MAST1: variants seen among roughly 807,000 people sequenced by gnomAD.
MAST1 encodes microtubule-associated serine/threonine-protein kinase 1.
In MAST1, 40 loss-of-function variants were observed where a neutral mutation model predicts 124.6. The observed-to-expected ratio is 0.32, with a 90% CI of 0.25 to 0.42. MAST1 has a LOEUF of 0.42. Ranked by LOEUF, MAST1 falls within the 10% of genes least tolerant of loss-of-function variation. MAST1 has a pLI of 1.00. For synonymous variants in MAST1, 938 were observed against 939.4 expected, an observed-to-expected ratio of 1.00 and a Z score of 0.03; for missense variants, 1,558 against 2,181.9, an observed-to-expected ratio of 0.71 and a Z score of 5.70.
rs1417836927 is a variant in MAST1, at chr19:12,866,783, G to C, written c.2139+21G>C. ...GCAAGGTGGGCCAAGTCTGGGTGTG[G>C]GACAGGGCGAGACCCCAGGAGGGAT... On this transcript the variant is annotated intron_variant, in intron 18 of 25. Coordinates refer to ENST00000251472, the MANE Select transcript of MAST1 (RefSeq NM_014975.3). The surrounding 1 kb of genome is among the most constrained non-coding windows in gnomAD (Gnocchi z 5.2). 1 of 1,594,196 alleles carries C rather than the reference G, an allele frequency of 6.3e-7. No homozygotes were observed. Among genetic ancestry groups the C allele is most frequent in the Non-Finnish European group, 8.6e-7 (1 of 1,164,996 alleles).
chr19:12,839,202 G>C (rs140628839), intron 1 of MAST1, among the ~76,000 whole-genome samples: 2 of 149,336 alleles, frequency 1.3e-5, no homozygotes, highest in Non-Finnish European at 3.0e-5. Flanking sequence ...GACACACAGC[G>C]TCACACAGGA....
At chr19:12,870,769 C>T in intron 22 of MAST1, 55 bp from the exon 23 acceptor site, 2 of 1,529,158 alleles carry the variant, frequency 1.3e-6, no homozygotes, top group Non-Finnish European at 1.8e-6. Flanking sequence ...AGTTTAGGAG[C>T]TTTCCTTGTT....
chr19:12,867,202 A>G (rs1166839322), intron 18 of MAST1, among the ~76,000 whole-genome samples: 4 of 152,178 alleles, frequency 2.6e-5, no homozygotes, highest in South Asian at 2.1e-4. Context: ...AAGGAGACAT[A>G]AATTAAGGGG....
chr19:12,872,330 G>T (rs1479744616), intron 24 of MAST1, among the ~76,000 whole-genome samples: 1 of 152,176 alleles, frequency 6.6e-6, no homozygotes, highest in African/African-American at 2.4e-5. Flanking sequence ...GGATTTGGGT[G>T]AGAGGAGCCA....
In MAST1 at chr19:12,852,352, A is replaced by T; in HGVS notation, c.1034A>T (p.Asp345Val). 6.2e-7 allele frequency: 1 copy of T among 1,614,084 alleles called. No homozygotes were observed. The highest frequency in any genetic ancestry group is 8.5e-7 in the Non-Finnish European group (1 of 1,179,988). ...GATGTGGTGCATCTGGAGGAACAGG[A>T]CAGTGGTGGTTCCAACACCCCTGAG... ...FPDVVHLEEQ[D>V]SGGSNTPEQD... Residue 345 changes from aspartate (D) to valine (V), a missense_variant, in exon 10 of 26, where the codon GAC (aspartate) becomes GTC (valine). By Grantham distance (152) the Asp-to-Val change is radical. This residue lies in a region of MAST1 where 136 missense variants were observed against 160.9 expected (regional missense o/e 0.85). Transcript: ENST00000251472.
rs1185516854 is a variant in MAST1 at position 12,841,436 on chromosome 19, G to A, written c.248+370G>A. On this transcript the variant is annotated intron_variant, in intron 3 of 25. Coordinates refer to ENST00000251472, the MANE Select transcript of MAST1 (RefSeq NM_014975.3). The surrounding 1 kb of genome is among the most constrained non-coding windows in gnomAD (Gnocchi z 4.3). ...GCGCAGATTGCGCGATGCCTATCGA[G>A]GGACTCTTGGTCCCCGAGGTGGGGG... 6.6e-6 allele frequency among the ~76,000 whole-genome samples: 1 copy of A among 152,248 alleles called. No individual in the cohort carries two copies. Among genetic ancestry groups the A allele is most frequent in the Non-Finnish European group, 1.5e-5 (1 of 68,044 alleles).
chr19:12,848,285 AC>A (rs1198438642), intron 7 of MAST1: 7 of 535,338 alleles, frequency 1.3e-5, no homozygotes, highest in Non-Finnish European at 2.3e-5. Context: ...CTCAAATGTC[AC>A]CTTTTCAGGT....
chr19:12,871,199 C>G (rs776519982), intron 24 of MAST1, 27 bp downstream of exon 24: 1 of 1,613,254 alleles, frequency 6.2e-7, no homozygotes, highest in Non-Finnish European at 8.5e-7. Context: ...ACAGCCTGGT[C>G]TTTGAGCAGT....
intron 12 of MAST1, among the ~76,000 whole-genome samples, chr19:12,862,183 T>C (rs1190894451): frequency 6.6e-6 from 1 of 152,102 alleles, no homozygotes; most frequent in Non-Finnish European, 1.5e-5. Flanking sequence ...TTTTGTACTT[T>C]TAGTAGAGAC....
In MAST1 at chr19:12,848,077, G is replaced by A. The variant is rs780748371; in HGVS notation, c.774+20G>A. 3 of 1,607,072 alleles carry A rather than the reference G, an allele frequency of 1.9e-6. No homozygotes were observed. The highest frequency in any genetic ancestry group is 1.3e-5 in the African/African-American group (1 of 74,776). ...CAAGACGTGAGTGCACGCGGAGGCCGGGCTGATCTCAGGCTCAGCACCGCC... is the reference window on the plus strand; with the variant it reads ...CAAGACGTGAGTGCACGCGGAGGCCAGGCTGATCTCAGGCTCAGCACCGCC... On this transcript the variant is annotated intron_variant, in intron 7 of 25. Coordinates refer to ENST00000251472, the MANE Select transcript of MAST1 (RefSeq NM_014975.3).
At chr19:12,859,413 A>C (rs923219353) in intron 12 of MAST1, among the ~76,000 whole-genome samples, 7 of 151,908 alleles carry the variant, frequency 4.6e-5, no homozygotes, top group African/African-American at 1.5e-4. Context: ...TTGAGACAAG[A>C]TCTCACTCTG....
intron 22 of MAST1, 86 bp from the exon 23 acceptor site, chr19:12,870,738 G>T: frequency 7.2e-7 from 1 of 1,386,250 alleles, no homozygotes; most frequent in South Asian, 1.4e-5. Flanking sequence ...AATGCATGCA[G>T]AGCTAAGTGT....
At position 12,840,476 on chromosome 19, in the gene MAST1, C is replaced by G; in HGVS notation, c.114C>G (p.Ile38Met). ...GCACCAGTAATCGGAAAAGCCTCAT[C>G]CTGACCAGCACTTCACCCACGCTAC... ...SCRTSNRKSL[I>M]LTSTSPTLPR... The change falls in exon 2 of 26, where the codon ATC becomes ATG. Residue 38 changes from isoleucine to methionine, a missense_variant. Transcript: ENST00000251472. The G allele has an allele frequency of 6.2e-7, 1 of 1,614,058 alleles. No individual in the cohort carries two copies. The highest frequency in any genetic ancestry group is 8.5e-7 in the Non-Finnish European group (1 of 1,179,936).
At chr19:12,852,503 C>T in intron 10 of MAST1, 108 bp downstream of exon 10, 2 of 1,027,576 alleles carry the variant, frequency 1.9e-6, no homozygotes, top group South Asian at 2.7e-5. Context: ...TGGTCCTACA[C>T]TCTGAGCCTC....
In MAST1 at chr19:12,873,346, C is replaced by T. The variant is rs1460906850; in HGVS notation, c.3286C>T (p.Arg1096Trp). ...CAGCAAGAAGCGCAGCTCCCTCTTC[C>T]GGAAGATCACGAAGCAGTCGAACCT... ...QESKKRSSLFRKITKQSNLLH... is the reference protein window; with the variant it reads ...QESKKRSSLFWKITKQSNLLH... The change falls in exon 25 of 26, where the codon CGG becomes TGG. Residue 1096 changes from arginine (R) to tryptophan (W), a missense_variant. Arg to Trp is a moderately radical substitution (Grantham distance 101). Coordinates refer to ENST00000251472, the MANE Select transcript of MAST1 (RefSeq NM_014975.3). 5.6e-6 allele frequency: 9 copies of T among 1,613,372 alleles called. No homozygotes were observed. The highest frequency in any genetic ancestry group is 7.6e-6 in the Non-Finnish European group (9 of 1,179,548).
intron 7 of MAST1, among the ~76,000 whole-genome samples, chr19:12,849,424 G>T (rs1283963671): frequency 6.6e-6 from 1 of 152,166 alleles, no homozygotes; most frequent in Non-Finnish European, 1.5e-5. Flanking sequence ...AGCACTTTGG[G>T]AGGCTGAGGC....
chr19:12,852,454 C>A (rs1969974069), intron 10 of MAST1, 59 bp downstream of exon 10: 7 of 1,465,870 alleles, frequency 4.8e-6, no homozygotes, highest in Non-Finnish European at 6.7e-6. Context: ...GGGTGGGGCT[C>A]ATCTCCGGCT....
chr19:12,851,492 T>C (rs1969959370), intron 7 of MAST1, among the ~76,000 whole-genome samples: 1 of 151,864 alleles, frequency 6.6e-6, no homozygotes, highest in Non-Finnish European at 1.5e-5. Flanking sequence ...TTGTTTGTCA[T>C]TGCTTTTGTT....
At chr19:12,868,116 T>A in intron 20 of MAST1, 139 bp downstream of exon 20, 1 of 909,548 alleles carries the variant, frequency 1.1e-6, no homozygotes, top group Non-Finnish European at 1.5e-6. Context: ...TTTTTTTTTT[T>A]TTTTTTTTTT....
Sources: gnomAD v4.1 joint callset for allele counts (sites outside exome capture counted in the v4.1 genomes callset) on GRCh38, gnomAD v4.1.1 for gene constraint, gnomAD v4.1.1 regional missense constraint, Gnocchi (gnomAD v3.1) non-coding constraint, MANE v1.5 for transcripts, NCBI Gene and HGNC (gene_info 2026-07-23, HGNC 2026-07-21) for gene names.